AUTS2: variants seen among roughly 807,000 people sequenced by gnomAD.
AUTS2 encodes the protein activator of transcription and developmental regulator AUTS2, also known as autism susceptibility gene 2 protein.
AUTS2 carries 17 observed loss-of-function variants against 112.4 expected under a neutral mutation model. The ratio of observed to expected loss-of-function variants is 0.15; its 90% CI spans 0.10 to 0.23. AUTS2 has a LOEUF of 0.23. Ranked by LOEUF, AUTS2 falls within the 10% of genes least tolerant of loss-of-function variation. The probability of loss-of-function intolerance (pLI) is 1.00; values close to 1 mark genes in which losing one functional copy is unlikely to be tolerated. For synonymous variants in AUTS2, 751 were observed against 702.7 expected (o/e 1.07, Z -1.09); for missense variants, 1,510 against 1,701.6 (o/e 0.89, Z 1.98).
chr7:70,154,811 G>T (rs1303646317), intron 4 of AUTS2, among the ~76,000 whole-genome samples: 1 of 152,196 alleles, frequency 6.6e-6, no homozygotes, highest in African/African-American at 2.4e-5. Flanking sequence ...AGTGAAACTC[G>T]CTGCTATTAT....
chr7:70,187,770 GTCT>G (rs1195084695), intron 4 of AUTS2, among the ~76,000 whole-genome samples: 4 of 130,346 alleles, frequency 3.1e-5, no homozygotes, highest in South Asian at 2.6e-4. Context: ...TACTCAACTA[GTCT>G]TCTTTTTTTT....
chr7:69,968,775 A>C (rs1797730151), intron 2 of AUTS2, among the ~76,000 whole-genome samples: 1 of 152,114 alleles, frequency 6.6e-6, no homozygotes. Context: ...ATGCATAAGC[A>C]CATTAAATAT....
At chr7:69,880,908 C>T (rs190120836) in intron 1 of AUTS2, among the ~76,000 whole-genome samples, 19 of 152,274 alleles carry the variant, frequency 1.2e-4, no homozygotes, top group African/African-American at 4.6e-4. Flanking sequence ...AGGCAGAGAG[C>T]CTTGTCACTG....
chr7:69,672,265 GTC>G (rs1287620554), intron 1 of AUTS2, among the ~76,000 whole-genome samples: 1 of 151,872 alleles, frequency 6.6e-6, no homozygotes, highest in Non-Finnish European at 1.5e-5. Flanking sequence ...CTCCATGTTG[GTC>G]AGTCCGATCT....
chr7:70,564,236 T>C (rs192189120), intron 5 of AUTS2, among the ~76,000 whole-genome samples: 54 of 152,282 alleles, frequency 3.5e-4, no homozygotes, highest in African/African-American at 1.1e-3. Flanking sequence ...GAAGACAGTT[T>C]TTTGGAAGTT....
intron 6 of AUTS2, among the ~76,000 whole-genome samples, chr7:70,722,913 T>G (rs1168055941): frequency 6.6e-6 from 1 of 152,238 alleles, no homozygotes; most frequent in Non-Finnish European, 1.5e-5. Context: ...GTGGGCCTGT[T>G]CATCCTTTGT....
chr7:70,703,490 CAAAAAAAAAAA>C (rs57223380), intron 6 of AUTS2, among the ~76,000 whole-genome samples: 20 of 98,640 alleles, frequency 2.0e-4, no homozygotes, highest in African/African-American at 7.7e-4. Context: ...GACACCATTT[CAAAAAAAAAAA>C]AAAAAAAAAA....
intron 5 of AUTS2, among the ~76,000 whole-genome samples, chr7:70,565,198 T>A (rs1801658211): frequency 6.6e-6 from 1 of 152,248 alleles, no homozygotes; most frequent in Admixed American, 6.5e-5. Context: ...TTAAGATACA[T>A]GTGCATAAAA....
intron 6 of AUTS2, among the ~76,000 whole-genome samples, chr7:70,723,872 T>C (rs1786848115): frequency 6.6e-6 from 1 of 151,928 alleles, no homozygotes; most frequent in Admixed American, 6.6e-5. Context: ...CCTTTGCAAG[T>C]ATACATGTAG....
intron 4 of AUTS2, among the ~76,000 whole-genome samples, chr7:70,181,518 G>C (rs1336416176): frequency 1.5e-5 from 2 of 136,318 alleles, no homozygotes; most frequent in East Asian, 4.2e-4. Context: ...ATGGAGTTTT[G>C]CTCTTGTTGC....
In AUTS2 at chr7:70,284,522, T is replaced by TA. The variant is rs1011743998; in HGVS notation, c.660+149961dup. On this transcript the variant is annotated intron_variant, in intron 4 of 18. Transcript: ENST00000342771. Reference sequence around the variant, plus strand: ...CCCCATCTTTACCTACTTGATTGGTTAAAAAAAAAATCTATTTTTGTTTTT... The same window carrying TA: ...CCCCATCTTTACCTACTTGATTGGTTAAAAAAAAAAATCTATTTTTGTTTTT... 2.1e-4 allele frequency among the ~76,000 whole-genome samples: 31 copies of TA among 150,642 alleles called. 1 individual carries two copies. The highest frequency in any genetic ancestry group is 1.5e-3 in the South Asian group (7 of 4,768).
chr7:70,514,041 A>G (rs546986405), intron 5 of AUTS2, among the ~76,000 whole-genome samples: 3 of 152,316 alleles, frequency 2.0e-5, no homozygotes, highest in African/African-American at 7.2e-5. Flanking sequence ...TATGTAAATA[A>G]TGTCCTCTCT....
At chr7:69,877,563 C>T (rs974032313) in intron 1 of AUTS2, among the ~76,000 whole-genome samples, 10 of 152,012 alleles carry the variant, frequency 6.6e-5, no homozygotes, top group African/African-American at 2.4e-4. Context: ...GACCCCGTCA[C>T]CCAGGTACTA....
At chr7:70,193,363 A>G (rs764888920) in intron 4 of AUTS2, among the ~76,000 whole-genome samples, 9 of 152,232 alleles carry the variant, frequency 5.9e-5, no homozygotes, top group Admixed American at 1.3e-4. Flanking sequence ...ATAGATTTGT[A>G]TCTTAAAACA....
chr7:69,971,477 A>T (rs1797847792), intron 2 of AUTS2, among the ~76,000 whole-genome samples: 1 of 152,202 alleles, frequency 6.6e-6, no homozygotes, highest in Non-Finnish European at 1.5e-5. Context: ...TAGTTTCCTC[A>T]ATGGTAACAT....
intron 12 of AUTS2, chr7:70,774,400 T>G (rs1790557068): frequency 5.6e-6 from 2 of 355,350 alleles, no homozygotes; most frequent in African/African-American, 4.1e-5. Flanking sequence ...CAATCTTCTC[T>G]GTCTGTATCT....
chr7:70,667,456 C>T (rs960652002), intron 5 of AUTS2, among the ~76,000 whole-genome samples: 2 of 152,192 alleles, frequency 1.3e-5, no homozygotes, highest in African/African-American at 4.8e-5. Flanking sequence ...TGACACAAGG[C>T]CCCCAAAGAA....
intron 1 of AUTS2, among the ~76,000 whole-genome samples, chr7:69,832,978 A>G (rs897953060): frequency 2.6e-5 from 4 of 152,202 alleles, no homozygotes; most frequent in African/African-American, 9.7e-5. Flanking sequence ...CAGAGAATGT[A>G]TAATTTCCCT....
At chr7:69,947,117 G>C (rs1796845980) in intron 2 of AUTS2, among the ~76,000 whole-genome samples, 1 of 152,152 alleles carries the variant, frequency 6.6e-6, no homozygotes, top group African/African-American at 2.4e-5. Flanking sequence ...GGGTTTAAAG[G>C]GATTGAGGGA....
Sources: allele counts gnomAD v4.1 joint callset (sites outside exome capture counted in the v4.1 genomes callset), GRCh38; gene constraint gnomAD v4.1.1; transcripts MANE v1.5; gene names NCBI Gene and HGNC (gene_info 2026-07-23, HGNC 2026-07-21).